Variants in GPR180 observed in about 807,000 individuals in gnomAD.
GPR180 encodes G protein-coupled receptor 180.
GPR180 carries 53 observed loss-of-function variants against 52.6 expected under a neutral mutation model. That is an observed-to-expected ratio of 1.01 (90% CI 0.81 to 1.27). The LOEUF (loss-of-function observed/expected upper bound fraction) is 1.27, where lower values mean the gene tolerates loss of function less well. GPR180 is among the 50% of genes most tolerant of loss of function. The pLI, the probability that GPR180 is intolerant of heterozygous loss-of-function variation, is 0.00. For missense variants in GPR180, 533 were observed against 527.0 expected, an observed-to-expected ratio of 1.01 and a Z score of -0.11; for synonymous variants, 200 against 193.1, an observed-to-expected ratio of 1.04 and a Z score of -0.30.
rs1337641527 is a variant in GPR180, at chr13:94,619,243, G to C, written c.599G>C (p.Gly200Ala). Residue 200 changes from glycine to alanine, a missense_variant, in exon 4 of 9, where the codon GGA (glycine) becomes GCA (alanine). Transcript: ENST00000376958. ...QSLWQAIKKG[G>A]PMHMILKVLT... is the part of the protein sequence containing the mutation. ...TTGTGGCAGGCTATTAAGAAAGGCG[G>C]ACCCATGCACATGATTTTAAAGGTT... The C allele has an allele frequency of 6.2e-7, 1 of 1,613,950 alleles. No individual in the cohort carries two copies. Among genetic ancestry groups the C allele is most frequent in the Non-Finnish European group, 8.5e-7 (1 of 1,180,014 alleles).
chr13:94,606,604 C>G (rs1483462586), intron 2 of GPR180, among the ~76,000 whole-genome samples: 1 of 152,144 alleles, frequency 6.6e-6, no homozygotes. Context: ...CCTTTTTCCT[C>G]TTATTATTCA....
At chr13:94,616,514 C>T (rs569083337) in intron 3 of GPR180, among the ~76,000 whole-genome samples, 4 of 152,276 alleles carry the variant, frequency 2.6e-5, no homozygotes, top group African/African-American at 7.2e-5. Context: ...TGAAGCTGGC[C>T]TCTAAGTTTT....
intron 2 of GPR180, 77 bp from the exon 3 acceptor site, chr13:94,612,113 C>A: frequency 8.7e-7 from 1 of 1,150,600 alleles, no homozygotes; most frequent in Middle Eastern, 2.0e-4. Flanking sequence ...GTCCTAACCT[C>A]AAATTGATTA....
intron 2 of GPR180, among the ~76,000 whole-genome samples, chr13:94,606,168 C>G (rs931403637): frequency 2.0e-5 from 3 of 152,098 alleles, no homozygotes; most frequent in Non-Finnish European, 4.4e-5. Context: ...TGATGGCATG[C>G]GCCTGTAATC....
intron 1 of GPR180, among the ~76,000 whole-genome samples, 170 bp downstream of exon 1, chr13:94,602,242 G>T (rs923270323): frequency 6.6e-6 from 1 of 152,238 alleles, no homozygotes; most frequent in Non-Finnish European, 1.5e-5. Context: ...GGTGGGATGC[G>T]TTCCTTGCCA....
chr13:94,601,935 G>A lies in GPR180; in HGVS notation c.8G>A (p.Gly3Glu), dbSNP rs375711698. MG[G>E]LRLLAVALTC... is the part of the protein sequence containing the mutation. ...GCAGACCTGGAGACGGGCATGGGGGGGCTGCGGCTGCTGGCTGTGGCCCTC... is the reference window on the plus strand; with the variant it reads ...GCAGACCTGGAGACGGGCATGGGGGAGCTGCGGCTGCTGGCTGTGGCCCTC... Residue 3 changes from glycine (G) to glutamate (E), a missense_variant, in exon 1 of 9, where the codon GGG (glycine) becomes GAG (glutamate). Physicochemically the swap from Gly to Glu is moderately conservative, Grantham distance 98. Coordinates refer to ENST00000376958, the MANE Select transcript of GPR180 (RefSeq NM_180989.6). The A allele has an allele frequency of 3.7e-5, 56 of 1,493,872 alleles. No homozygotes were observed. The highest frequency in any genetic ancestry group is 1.0e-4 in the African/African-American group (7 of 69,206). 92.5% of individuals were successfully genotyped at this position (1,493,872 alleles called of 1,614,324 possible). A position where few individuals can be genotyped will look rare whatever the true frequency, so the allele number is the denominator to read the frequency against.
Position 94,605,426 on chromosome 13 carries a change from A to G in GPR180, c.181A>G (p.Ile61Val). Reference sequence around the variant, plus strand: ...TCTTCTGTGTGTCAGAATCAACAACATAGCAGTAGCTGTTGGAAAAGAAGC... The same window carrying G: ...TCTTCTGTGTGTCAGAATCAACAACGTAGCAGTAGCTGTTGGAAAAGAAGC... Reference protein sequence around the residue: ...HALLCVRINNIAVAVGKEAKL... With the variant: ...HALLCVRINNVAVAVGKEAKL... Residue 61 changes from isoleucine to valine, a missense_variant, in exon 2 of 9, where the codon ATA becomes GTA. Ile to Val is a conservative substitution (Grantham distance 29). Coordinates refer to ENST00000376958, the MANE Select transcript of GPR180 (RefSeq NM_180989.6). The G allele has an allele frequency of 6.2e-7, 1 of 1,614,148 alleles. No homozygotes were observed. The highest frequency in any genetic ancestry group is 1.1e-5 in the South Asian group (1 of 91,080).
At chr13:94,619,055 G>A in intron 3 of GPR180, 95 bp from the exon 4 acceptor site, 1 of 989,408 alleles carries the variant, frequency 1.0e-6, no homozygotes, top group Non-Finnish European at 1.5e-6. Flanking sequence ...TAAAAAACAA[G>A]TTCTAGAAAT....
intron 2 of GPR180, among the ~76,000 whole-genome samples, chr13:94,607,356 C>CTACGTGGTTATTTTATAGCCATG (rs1889646140): frequency 2.0e-5 from 3 of 152,114 alleles, no homozygotes; most frequent in African/African-American, 2.4e-5. Flanking sequence ...AAATGGTTTC[C>CTACGTGGTTATTTTATAGCCATG]CTTAACCTGA....
In GPR180 at chr13:94,625,999, C is replaced by G. The variant is rs1889923950; in HGVS notation, c.1120C>G (p.Leu374Val). The G allele has an allele frequency of 8.1e-6, 13 of 1,611,646 alleles. No homozygotes were observed. Among genetic ancestry groups the G allele is most frequent in the Non-Finnish European group, 1.1e-5 (13 of 1,178,504 alleles). ...CTTGTGGTTTTTATGCCATCCAGTT[C>G]TTGCATGCATTTCTGTCATTTTTAG... ...CILWFLCHPV[L>V]ACISVIFSDY... The change falls in exon 8 of 9, where the codon CTT becomes GTT. Residue 374 changes from leucine to valine, a missense_variant. Physicochemically the swap from Leu to Val is conservative, Grantham distance 32. Transcript: ENST00000376958.
chr13:94,631,135 G>A lies in GPR180; in HGVS notation c.*3964G>A, dbSNP rs541091055. 8 of 152,312 alleles carry A rather than the reference G, an allele frequency of 5.3e-5. No homozygotes were observed. In the South Asian group the frequency reaches 1.0e-3, roughly 20 times the overall value. The allele number at this position is 152,312 out of a possible 1,614,324, so 9.4% of individuals were successfully genotyped here. ...TCTCTGGCTCCTGGGCCAGGTGTGC[G>A]TTTTACTCTGACAAAGGGTGCCAGC... is the stretch of plus-strand genomic sequence containing the variant. On this transcript the variant is annotated 3_prime_UTR_variant, in exon 9 of 9. Transcript: ENST00000376958.
intron 3 of GPR180, among the ~76,000 whole-genome samples, chr13:94,618,703 G>C (rs1374841609): frequency 6.6e-6 from 1 of 151,934 alleles, no homozygotes; most frequent in African/African-American, 2.4e-5. Context: ...GATGCTGCTG[G>C]GCAAGAGAAC....
chr13:94,621,034 A>G (rs1164371315), intron 5 of GPR180, 44 bp from the exon 6 acceptor site: 3 of 1,538,054 alleles, frequency 2.0e-6, no homozygotes, highest in Non-Finnish European at 2.6e-6. Flanking sequence ...TAAATTTTTT[A>G]TATTGTGAAA....
chr13:94,620,870 TA>T (rs1889841492), intron 5 of GPR180, among the ~76,000 whole-genome samples: 6 of 152,164 alleles, frequency 3.9e-5, no homozygotes, highest in Admixed American at 1.3e-4. Context: ...TTAACTATTT[TA>T]ATAAATATAT....
Position 94,605,363 on chromosome 13 carries a change from A to T in GPR180, c.146-28A>T, listed in dbSNP as rs530841032. 81 of 1,612,390 alleles carry T rather than the reference A, an allele frequency of 5.0e-5. 1 individual carries two copies. The South Asian group carries it at 8.7e-4, about 17-fold the overall frequency. On this transcript the variant is annotated intron_variant, in intron 1 of 8. Coordinates refer to ENST00000376958, the MANE Select transcript of GPR180 (RefSeq NM_180989.6). ...TCTCAGTTTCATGTAAGACCAAACT[A>T]GTTGATGATTTTTGTTTTAATGTCA...
chr13:94,626,947 A>G, intron 8 of GPR180, 66 bp from the exon 9 acceptor site: 1 of 1,175,806 alleles, frequency 8.5e-7, no homozygotes. Context: ...ATAGATTCAT[A>G]ATAAATTGAA....
intron 3 of GPR180, among the ~76,000 whole-genome samples, chr13:94,613,923 G>T (rs1354156787): frequency 2.0e-5 from 3 of 150,170 alleles, no homozygotes; most frequent in Non-Finnish European, 4.4e-5. Context: ...CTGTCGCCCA[G>T]CCTGGAGTGC....
intron 6 of GPR180, among the ~76,000 whole-genome samples, chr13:94,622,662 C>T (rs1889866566): frequency 6.6e-6 from 1 of 152,172 alleles, no homozygotes. Flanking sequence ...GAACCTCCAC[C>T]TCCTGGGTTC....
At chr13:94,604,103 G>A (rs1421452451) in intron 1 of GPR180, among the ~76,000 whole-genome samples, 1 of 152,104 alleles carries the variant, frequency 6.6e-6, no homozygotes, top group Non-Finnish European at 1.5e-5. Flanking sequence ...GGAGGCTGAG[G>A]TGGGTGGATC....
Sources: allele counts gnomAD v4.1 joint callset (sites outside exome capture counted in the v4.1 genomes callset), GRCh38; gene constraint gnomAD v4.1.1; transcripts MANE v1.5; gene names NCBI Gene and HGNC (gene_info 2026-07-23, HGNC 2026-07-21).